Variants in BGN observed in about 807,000 individuals in gnomAD.
BGN encodes biglycan, also known as bone/cartilage proteoglycan-I.
BGN carries 6 observed loss-of-function variants against 20.0 expected under a neutral mutation model. That is an observed-to-expected ratio of 0.30 (90% CI 0.16 to 0.59). The LOEUF (loss-of-function observed/expected upper bound fraction) is 0.59. Among genes scored for constraint, BGN ranks in the 20% least tolerant of loss-of-function variants. The pLI is 0.88. For missense variants in BGN, 292 were observed against 312.1 expected, an observed-to-expected ratio of 0.94 and a Z score of 0.49; for synonymous variants, 146 against 134.6, an observed-to-expected ratio of 1.08 and a Z score of -0.59.
At chrX:153,502,103 G>A (rs1237190439) in intron 1 of BGN, among the ~76,000 whole-genome samples, 3 of 112,581 alleles carry the variant, frequency 2.7e-5, no homozygotes, top group Admixed American at 9.3e-5. Flanking sequence ...CCCTTGCCCC[G>A]GGGCAGGAGT....
intron 1 of BGN, among the ~76,000 whole-genome samples, chrX:153,500,029 G>C (rs781936744): frequency 1.8e-5 from 2 of 113,485 alleles, no homozygotes; most frequent in South Asian, 7.1e-4. Flanking sequence ...CTTGGCAGCT[G>C]TGAGCCACAC....
At chrX:153,505,410 A>T in intron 3 of BGN, 60 bp downstream of exon 3, 1 of 987,243 alleles carries the variant, frequency 1.0e-6, no homozygotes, top group Non-Finnish European at 1.4e-6. Flanking sequence ...GGGTGGGTGC[A>T]TGTGCGTGGA....
rs1416780186 is a variant in BGN, at chrX:153,507,095, G to A, written c.819G>A (p.Leu273=). 8.3e-7 allele frequency: 1 copy of A among 1,207,206 alleles called. No individual in the cohort carries two copies. Among genetic ancestry groups the A allele is most frequent in the Non-Finnish European group, 1.1e-6 (1 of 893,588 alleles). Residue 273 remains leucine (L), a synonymous_variant, in exon 7 of 8, where the codon CTG becomes CTA. Transcript: ENST00000331595. The part of the protein sequence containing the change: ...NQIRMIENGS[L]SFLPTLRELH... Reference sequence around the variant, plus strand: ...TCAGGATGATCGAGAACGGGAGCCTGAGCTTCCTGCCCACCCTCCGGGAGC... The same window carrying A: ...TCAGGATGATCGAGAACGGGAGCCTAAGCTTCCTGCCCACCCTCCGGGAGC...
rs139427774 is a variant in BGN at position 153,506,118 on chromosome X, G to A, written c.565+42G>A. On this transcript the variant is annotated intron_variant, in intron 4 of 7. Transcript: ENST00000331595. Reference sequence around the variant, plus strand: ...CCAGAACATTCCAGAGCCTTGTCTCGAGGCATGGGGAAGGGAGACCAAGGG... The same window carrying A: ...CCAGAACATTCCAGAGCCTTGTCTCAAGGCATGGGGAAGGGAGACCAAGGG... 1,028 of 1,148,937 alleles carry A rather than the reference G, an allele frequency of 8.9e-4. 11 individuals are homozygous for A. The African/African-American group carries it at 0.016, about 18-fold the overall frequency. The allele number at this position is 1,148,937 out of a possible 1,213,427, so 94.7% of individuals were successfully genotyped here.
chrX:153,506,793 C>T (rs2089803815), intron 5 of BGN, 37 bp from the exon 6 acceptor site: 10 of 1,187,764 alleles, frequency 8.4e-6, no homozygotes, highest in Non-Finnish European at 1.1e-5. Context: ...CTGCCCTCAG[C>T]ACCTGCATTC....
At chrX:153,505,418 G>A in intron 3 of BGN, 68 bp downstream of exon 3, 1 of 933,818 alleles carries the variant, frequency 1.1e-6, no homozygotes, top group Non-Finnish European at 1.5e-6. Context: ...GCATGTGCGT[G>A]GACGTGTGGG....
At chrX:153,507,733 G>A (rs112895526) in intron 7 of BGN, among the ~76,000 whole-genome samples, 42 of 113,681 alleles carry the variant, frequency 3.7e-4, no homozygotes, top group African/African-American at 1.3e-3. Flanking sequence ...CCATTGTCAT[G>A]TTCACCAGCA....
Position 153,505,757 on chromosome X carries a change from A to ACTG in BGN, c.352-106_352-105insCTG, listed in dbSNP as rs782524941. On this transcript the variant is annotated intron_variant, in intron 3 of 7. Transcript: ENST00000331595. ...GCACTCTGCTCACAAGCATGGACTG[A>ACTG]ACCTCCTCGAGGCCCAGTGGGCTGG... is the stretch of plus-strand genomic sequence containing the variant. 0.048 allele frequency: 36 copies of ACTG among 754 alleles called. No individual in the cohort carries two copies. In the South Asian group the frequency reaches 0.6, roughly 12 times the overall value. The allele number at this position is 754 out of a possible 1,213,427, so 0.1% of individuals were successfully genotyped here.
rs2089818093 is a variant in BGN, at chrX:153,508,302, C to G, written c.964C>G (p.Pro322Ala). 1 of 1,212,179 alleles carries G rather than the reference C, an allele frequency of 8.2e-7. No individual in the cohort carries two copies. Reference protein sequence around the residue: ...ITKVGVNDFCPMGFGVKRAYY... With the variant: ...ITKVGVNDFCAMGFGVKRAYY... ...CAAAGTGGGTGTCAACGACTTCTGT[C>G]CCATGGGCTTCGGGGTGAAGCGGGC... Residue 322 changes from proline (P) to alanine (A), a missense_variant, in exon 8 of 8, where the codon CCC becomes GCC. Pro to Ala is a conservative substitution (Grantham distance 27). Transcript: ENST00000331595.
At position 153,506,719 on chromosome X, in the gene BGN, G is replaced by C. The variant is rs2089803104; in HGVS notation, c.676+80G>C. The C allele has an allele frequency of 7.8e-6, 9 of 1,147,539 alleles. No homozygotes were observed. The Admixed American group carries it at 2.0e-4, about 25-fold the overall frequency. The allele number at this position is 1,147,539 out of a possible 1,213,427, so 94.6% of individuals were successfully genotyped here. ...TGGCCAGGGTGGGGGCTCTGGATGG[G>C]CCCGATCTACTCAGGGAAAGGCTCA... On this transcript the variant is annotated intron_variant, in intron 5 of 7. Coordinates refer to ENST00000331595, the MANE Select transcript of BGN (RefSeq NM_001711.6).
At chrX:153,496,861 GC>G in intron 1 of BGN, among the ~76,000 whole-genome samples, 1 of 110,518 alleles carries the variant, frequency 9.0e-6, no homozygotes, top group Non-Finnish European at 1.9e-5. Flanking sequence ...AGCACTCAGA[GC>G]CTTCAGCAAG....
intron 3 of BGN, 88 bp downstream of exon 3, chrX:153,505,438 G>T: frequency 1.2e-6 from 1 of 812,390 alleles, no homozygotes; most frequent in Non-Finnish European, 1.8e-6. Context: ...GGTATGAGAG[G>T]GGTTCGGGGA....
At chrX:153,501,098 C>T (rs2089756945) in intron 1 of BGN, among the ~76,000 whole-genome samples, 1 of 108,708 alleles carries the variant, frequency 9.2e-6, no homozygotes, top group Non-Finnish European at 1.9e-5. Context: ...TAGGTGTGTG[C>T]ATGTGTGTGT....
At chrX:153,506,979 G>A (rs1365946590) in intron 6 of BGN, 56 bp downstream of exon 6, 29 of 1,205,655 alleles carry the variant, frequency 2.4e-5, no homozygotes, top group Non-Finnish European at 3.1e-5. Flanking sequence ...AGTGCTGTGT[G>A]GCCCCTCGCG....
At chrX:153,495,540 T>C (rs1242255358) in intron 1 of BGN, 2 of 112,276 alleles carry the variant, frequency 1.8e-5, no homozygotes, top group Admixed American at 1.9e-4. Flanking sequence ...AGCCTCGCTC[T>C]GCCCAGGCGC....
In BGN at chrX:153,504,772, G is replaced by A. The variant is rs4833; in HGVS notation, c.141G>A (p.Ser47=). The stretch of plus-strand genomic sequence containing the variant: ...AGGAAGCTTCGGGCGCTGACACCTC[G>A]GGCGTCCTGGACCCGGACTCTGTCA... ...NDEEASGADT[S]GVLDPDSVTP... is the part of the protein sequence containing the mutation. Residue 47 remains serine, a synonymous_variant, in exon 2 of 8, where the codon TCG becomes TCA. Transcript: ENST00000331595. 0.4 allele frequency: 484,318 copies of A among 1,208,915 alleles called. 66,252 individuals are homozygous for A. The highest frequency in any genetic ancestry group is 0.55 in the Admixed American group (25,177 of 45,806).
chrX:153,508,485 T>C lies in BGN; in HGVS notation c.*40T>C, dbSNP rs1016556294. The C allele has an allele frequency of 1.1e-5, 13 of 1,178,429 alleles. No homozygotes were observed. The highest frequency in any genetic ancestry group is 1.4e-5 in the Non-Finnish European group (12 of 869,769). ...ACCGCGGGGCCTCAGTGGGGGTCTCTGGGGAACACAGCCAGACATCCTGAT... is the reference window on the plus strand; with the variant it reads ...ACCGCGGGGCCTCAGTGGGGGTCTCCGGGGAACACAGCCAGACATCCTGAT... On this transcript the variant is annotated 3_prime_UTR_variant, in exon 8 of 8. Coordinates refer to ENST00000331595, the MANE Select transcript of BGN (RefSeq NM_001711.6).
Position 153,509,030 on chromosome X carries a change from T to TCCCTTC in BGN, c.*586_*587insCCTTCC, listed in dbSNP as rs1213212759. The TCCCTTC allele has an allele frequency of 2.0e-5, 1 of 49,268 alleles. No individual in the cohort carries two copies. The highest frequency in any genetic ancestry group is 1.6e-4 in the African/African-American group (1 of 6,437). 4.1% of individuals were successfully genotyped at this position (49,268 alleles called of 1,213,427 possible). A position where few individuals can be genotyped will look rare whatever the true frequency, so the allele number is the denominator to read the frequency against. On this transcript the variant is annotated 3_prime_UTR_variant, in exon 8 of 8. Transcript: ENST00000331595. The stretch of plus-strand genomic sequence containing the variant: ...CTGTTCTCTCTTTCCCCGTCCTTCC[T>TCCCTTC]CTCTCTCTCTCTCTCTCTCTCTCTC...
intron 1 of BGN, among the ~76,000 whole-genome samples, chrX:153,497,124 C>A (rs1249089100): frequency 2.9e-5 from 3 of 103,129 alleles, no homozygotes; most frequent in African/African-American, 1.1e-4. Context: ...AACACCCCTG[C>A]TTGTCGGAAA....
Sources: allele counts gnomAD v4.1 joint callset (sites outside exome capture counted in the v4.1 genomes callset), GRCh38; gene constraint gnomAD v4.1.1; transcripts MANE v1.5; gene names NCBI Gene and HGNC (gene_info 2026-07-23, HGNC 2026-07-21).